The following DAB1 variants were observed in gnomAD, a reference collection of about 807,000 sequenced individuals.
DAB1 encodes the protein DAB adaptor protein 1, also known as disabled homolog 1.
In DAB1, 15 loss-of-function variants were observed where a neutral mutation model predicts 64.6. That is an observed-to-expected ratio of 0.23 (90% confidence interval 0.16 to 0.36). The LOEUF (loss-of-function observed/expected upper bound fraction) is 0.36, where lower values mean the gene tolerates loss of function less well. Among genes scored for constraint, DAB1 ranks in the 10% least tolerant of loss-of-function variants. The pLI is 1.00. For missense variants in DAB1, 596 were observed against 706.7 expected, an observed-to-expected ratio of 0.84 and a Z score of 1.78; for synonymous variants, 235 against 251.9, an observed-to-expected ratio of 0.93 and a Z score of 0.64.
rs59397849 is a variant in DAB1, at chr1:57,918,067, CAATA to C, written n.388-33909_388-33906del. 1.4e-3 allele frequency among the ~76,000 whole-genome samples: 193 copies of C among 138,688 alleles called. 2 individuals carry two copies. The highest frequency in any genetic ancestry group is 3.6e-3 in the Middle Eastern group (1 of 276). The allele number at this position is 138,688 out of a possible 152,430, so 91.0% of individuals were successfully genotyped here. On this transcript the variant is annotated intron_variant and non_coding_transcript_variant, in intron 5 of 20. Coordinates refer to the DAB1 transcript ENST00000485760. ...GGGGTGACAGAGTGAGACTCCGTCT[CAATA>C]AATAAATAAATAAATAAATAAATAA...
intron 7 of DAB1, among the ~76,000 whole-genome samples, chr1:57,538,112 T>A (rs1403131958): frequency 1.3e-5 from 2 of 152,004 alleles, no homozygotes; most frequent in East Asian, 1.9e-4. Context: ...CAACATGAGG[T>A]TTGGAGGGTT....
intron 5 of DAB1, among the ~76,000 whole-genome samples, chr1:57,977,125 C>T (rs1463606488): frequency 6.6e-6 from 1 of 152,150 alleles, no homozygotes; most frequent in East Asian, 1.9e-4. Flanking sequence ...GGTTACAATG[C>T]TTGTTTCTCC....
intron 4 of DAB1, among the ~76,000 whole-genome samples, chr1:58,191,621 T>C (rs1170282795): frequency 6.6e-6 from 1 of 152,180 alleles, no homozygotes; most frequent in Non-Finnish European, 1.5e-5. Context: ...AATGATGCTT[T>C]GCAATCGAGG....
chr1:57,583,779 G>A (rs1340501247), intron 7 of DAB1, among the ~76,000 whole-genome samples: 1 of 152,134 alleles, frequency 6.6e-6, no homozygotes, highest in Non-Finnish European at 1.5e-5. Flanking sequence ...GGATAGTGGT[G>A]GAAAAATGAA....
At chr1:57,393,204 C>A (rs1313224953) in intron 1 of DAB1, among the ~76,000 whole-genome samples, 1 of 152,006 alleles carries the variant, frequency 6.6e-6, no homozygotes, top group Non-Finnish European at 1.5e-5. Flanking sequence ...TATAATAGGA[C>A]CTAACTCATA....
intron 3 of DAB1, among the ~76,000 whole-genome samples, chr1:58,477,241 C>CA (rs1169531624): frequency 2.0e-5 from 3 of 151,922 alleles, no homozygotes; most frequent in Non-Finnish European, 4.4e-5. Flanking sequence ...CAAAACAAAA[C>CA]AAAAAAACCT....
intron 4 of DAB1, among the ~76,000 whole-genome samples, chr1:58,261,216 T>C (rs1048595757): frequency 2.6e-5 from 4 of 152,086 alleles, no homozygotes; most frequent in Non-Finnish European, 4.4e-5. Flanking sequence ...CCCAAATAAA[T>C]AGCATTTTTC....
In DAB1 at chr1:57,760,619, C is replaced by G. The variant is rs1376507052; in HGVS notation, n.552-110954G>C. The stretch of plus-strand genomic sequence containing the variant: ...AACTTCTTTCTCTCTCTCTCTCTCT[C>G]TCACACACACACACACACACACAGA... On this transcript the variant is annotated intron_variant and non_coding_transcript_variant, in intron 6 of 20. Coordinates refer to the DAB1 transcript ENST00000485760. Among the ~76,000 whole-genome samples the G allele has an allele frequency of 7.0e-3, 808 of 114,694 alleles. 7 individuals are homozygous for G. Among genetic ancestry groups the G allele is most frequent in the African/African-American group, 0.029 (784 of 26,606 alleles). The allele number at this position is 114,694 out of a possible 152,430, so 75.2% of individuals were successfully genotyped here.
chr1:57,089,254 A>G (rs1347363247), intron 4 of DAB1, among the ~76,000 whole-genome samples: 1 of 152,232 alleles, frequency 6.6e-6, no homozygotes, highest in African/African-American at 2.4e-5. Flanking sequence ...TTTATGTACA[A>G]TATACCCCCT....
chr1:58,130,393 G>C (rs1397751466), intron 5 of DAB1, among the ~76,000 whole-genome samples: 9 of 151,066 alleles, frequency 6.0e-5, no homozygotes, highest in African/African-American at 2.2e-4. Context: ...CACACTGATG[G>C]GTCTTGACTC....
At chr1:57,773,648 T>C (rs1649664398) in intron 6 of DAB1, among the ~76,000 whole-genome samples, 1 of 152,064 alleles carries the variant, frequency 6.6e-6, no homozygotes, top group Non-Finnish European at 1.5e-5. Flanking sequence ...CCTTTATGTT[T>C]GTGTATACTA....
At chr1:58,476,082 G>A (rs138766547) in intron 3 of DAB1, among the ~76,000 whole-genome samples, 42 of 152,238 alleles carry the variant, frequency 2.8e-4, no homozygotes, top group Non-Finnish European at 4.9e-4. Context: ...TTAGACCAAT[G>A]CTGCCCAGGA....
At chr1:58,479,487 A>G (rs1569856612) in intron 3 of DAB1, among the ~76,000 whole-genome samples, 1 of 152,152 alleles carries the variant, frequency 6.6e-6, no homozygotes, top group Non-Finnish European at 1.5e-5. Context: ...ACACATCCCA[A>G]ATGAGATTTC....
chr1:57,263,146 C>T (rs1440283977), intron 2 of DAB1, among the ~76,000 whole-genome samples: 2 of 150,252 alleles, frequency 1.3e-5, no homozygotes, highest in East Asian at 2.0e-4. Context: ...GACGGAGTCT[C>T]GCTCTGTTGC....
At chr1:58,104,212 A>G (rs986999345) in intron 5 of DAB1, among the ~76,000 whole-genome samples, 5 of 152,218 alleles carry the variant, frequency 3.3e-5, no homozygotes, top group African/African-American at 9.7e-5. Context: ...AGGACTTCCA[A>G]ATCCCAACCT....
chr1:57,218,845 G>A (rs1037804929), intron 2 of DAB1, among the ~76,000 whole-genome samples: 3 of 152,124 alleles, frequency 2.0e-5, no homozygotes, highest in Non-Finnish European at 4.4e-5. Flanking sequence ...AGGATGCAGG[G>A]CCTTAGACCT....
chr1:57,594,333 A>G (rs181158935), intron 7 of DAB1, among the ~76,000 whole-genome samples: 43 of 152,326 alleles, frequency 2.8e-4, no homozygotes, highest in Admixed American at 6.5e-4. Context: ...GGGCAAAAGA[A>G]TCACGGATTT....
chr1:57,256,080 G>A (rs528578552), intron 2 of DAB1, among the ~76,000 whole-genome samples: 1 of 152,240 alleles, frequency 6.6e-6, no homozygotes, highest in East Asian at 1.9e-4. Flanking sequence ...TTCCCATGCT[G>A]GATATTACAA....
chr1:57,521,006 C>T (rs1644519685), intron 7 of DAB1, among the ~76,000 whole-genome samples: 1 of 152,120 alleles, frequency 6.6e-6, no homozygotes, highest in Non-Finnish European at 1.5e-5. Flanking sequence ...CTATGTGTTG[C>T]ACACTGTTCT....
Sources: allele counts gnomAD v4.1 joint callset (sites outside exome capture counted in the v4.1 genomes callset), GRCh38; gene constraint gnomAD v4.1.1; transcripts MANE v1.5; gene names NCBI Gene and HGNC (gene_info 2026-07-23, HGNC 2026-07-21).